Variants in LRRC4C observed in about 807,000 individuals in gnomAD.
LRRC4C encodes the protein leucine-rich repeat-containing protein 4C.
Under a neutral mutation model 33.6 loss-of-function variants are expected in LRRC4C, and 5 were observed. The observed-to-expected ratio is 0.15, with a 90% CI of 0.08 to 0.31. LRRC4C has a LOEUF of 0.31. Ranked by LOEUF, LRRC4C falls within the 10% of genes least tolerant of loss-of-function variation. The pLI is 1.00. For missense variants in LRRC4C, 560 were observed against 796.7 expected (o/e 0.70, Z 3.58); for synonymous variants, 329 against 302.0 (o/e 1.09, Z -0.93).
intron 1 of LRRC4C, among the ~76,000 whole-genome samples, chr11:41,236,172 C>T (rs973277385): frequency 2.6e-5 from 4 of 152,088 alleles, no homozygotes; most frequent in African/African-American, 9.7e-5. Flanking sequence ...TAGCGCTTCA[C>T]CTTCCATCTA....
intron 1 of LRRC4C, among the ~76,000 whole-genome samples, chr11:41,205,521 G>A (rs760495455): frequency 1.4e-4 from 22 of 152,138 alleles, no homozygotes; most frequent in Non-Finnish European, 2.9e-4. Context: ...GGCTACCAGT[G>A]ATTGTAGCTT....
chr11:40,844,671 C>A (rs769970134), intron 2 of LRRC4C, among the ~76,000 whole-genome samples: 14 of 152,112 alleles, frequency 9.2e-5, no homozygotes, highest in Non-Finnish European at 2.1e-4. Context: ...GTTTAGGAAT[C>A]ATTACTTTCT....
intron 2 of LRRC4C, among the ~76,000 whole-genome samples, chr11:40,761,921 G>T (rs1182195414): frequency 6.6e-6 from 1 of 152,072 alleles, no homozygotes; most frequent in Non-Finnish European, 1.5e-5. Context: ...GAGACAAGCA[G>T]TATACTACCA....
intron 3 of LRRC4C, among the ~76,000 whole-genome samples, chr11:40,321,697 A>T (rs1185159610): frequency 6.6e-6 from 1 of 152,206 alleles, no homozygotes. Flanking sequence ...ATTGAAGTAG[A>T]TTCTATCAGA....
At chr11:40,191,304 C>G (rs1861823268) in intron 5 of LRRC4C, among the ~76,000 whole-genome samples, 1 of 152,182 alleles carries the variant, frequency 6.6e-6, no homozygotes, top group South Asian at 2.1e-4. Context: ...GTTTCATTTT[C>G]TCAAATTGTA....
At chr11:40,184,327 T>C (rs1861240222) in intron 5 of LRRC4C, among the ~76,000 whole-genome samples, 1 of 152,082 alleles carries the variant, frequency 6.6e-6, no homozygotes, top group Admixed American at 6.5e-5. Context: ...TATTGAGATT[T>C]CAAATAAGTC....
At chr11:40,268,345 C>T (rs1267963517) in intron 4 of LRRC4C, among the ~76,000 whole-genome samples, 1 of 152,118 alleles carries the variant, frequency 6.6e-6, no homozygotes, top group Non-Finnish European at 1.5e-5. Flanking sequence ...CAGACTTCAT[C>T]ACAGAACTTC....
At chr11:41,137,332 A>G (rs1943310066) in intron 1 of LRRC4C, among the ~76,000 whole-genome samples, 1 of 152,106 alleles carries the variant, frequency 6.6e-6, no homozygotes, top group Admixed American at 6.6e-5. Context: ...CCTCCCTTAA[A>G]AGATTCTATA....
intron 1 of LRRC4C, among the ~76,000 whole-genome samples, chr11:41,010,985 T>A (rs1855135048): frequency 6.6e-6 from 1 of 152,174 alleles, no homozygotes; most frequent in African/African-American, 2.4e-5. Context: ...AGAAGTCTAA[T>A]GTTTCAGCCC....
At chr11:40,907,235 T>C (rs1956463712) in intron 2 of LRRC4C, among the ~76,000 whole-genome samples, 1 of 152,242 alleles carries the variant, frequency 6.6e-6, no homozygotes, top group Admixed American at 6.5e-5. Context: ...CTAAAATAGC[T>C]AGCCCTTGTA....
chr11:41,339,793 G>C (rs904291561), intron 1 of LRRC4C, among the ~76,000 whole-genome samples: 1 of 152,112 alleles, frequency 6.6e-6, no homozygotes, highest in African/African-American at 2.4e-5. Context: ...CAGAAATCTT[G>C]AGTACAAAAT....
At chr11:40,886,582 C>G (rs535959760) in intron 2 of LRRC4C, among the ~76,000 whole-genome samples, 4 of 151,618 alleles carry the variant, frequency 2.6e-5, no homozygotes, top group Non-Finnish European at 5.9e-5. Flanking sequence ...TTATCCTCAA[C>G]TGATGAATTT....
chr11:40,563,943 C>T (rs780996798), intron 3 of LRRC4C, among the ~76,000 whole-genome samples: 12 of 152,154 alleles, frequency 7.9e-5, no homozygotes, highest in Non-Finnish European at 1.6e-4. Flanking sequence ...ATAAGTCAGG[C>T]CAATAACTAG....
At chr11:40,569,833 A>G (rs1444044149) in intron 3 of LRRC4C, among the ~76,000 whole-genome samples, 1 of 152,076 alleles carries the variant, frequency 6.6e-6, no homozygotes, top group Non-Finnish European at 1.5e-5. Context: ...TAATTTGTGA[A>G]TCAATAAAAA....
chr11:40,782,761 T>G (rs565242147), intron 2 of LRRC4C, among the ~76,000 whole-genome samples: 51 of 152,306 alleles, frequency 3.3e-4, no homozygotes, highest in African/African-American at 1.2e-3. Context: ...TTACTCAAAA[T>G]AACAAACAGC....
At chr11:40,270,530 A>ACC (rs1367718945) in intron 4 of LRRC4C, among the ~76,000 whole-genome samples, 2 of 152,068 alleles carry the variant, frequency 1.3e-5, no homozygotes, top group East Asian at 3.9e-4. Flanking sequence ...GCATTGGGTG[A>ACC]TCAGGACCTC....
At chr11:41,305,759 A>C (rs1950480029) in intron 1 of LRRC4C, among the ~76,000 whole-genome samples, 1 of 117,466 alleles carries the variant, frequency 8.5e-6, no homozygotes, top group Non-Finnish European at 1.8e-5. Context: ...CAGGGACACA[A>C]ACACTGCGGA....
intron 1 of LRRC4C, among the ~76,000 whole-genome samples, chr11:41,205,710 T>G (rs1160335344): frequency 6.6e-6 from 1 of 152,194 alleles, no homozygotes; most frequent in Non-Finnish European, 1.5e-5. Flanking sequence ...TTCCTAACAC[T>G]TAAGTGATGC....
At chr11:40,165,698 C>T (rs1424501160) in intron 5 of LRRC4C, among the ~76,000 whole-genome samples, 1 of 152,184 alleles carries the variant, frequency 6.6e-6, no homozygotes, top group Non-Finnish European at 1.5e-5. Flanking sequence ...GTAATCCCAG[C>T]TCTTTGGGAG....
Sources: gnomAD v4.1 joint callset for allele counts (sites outside exome capture counted in the v4.1 genomes callset) on GRCh38, gnomAD v4.1.1 for gene constraint, MANE v1.5 for transcripts, NCBI Gene and HGNC (gene_info 2026-07-23, HGNC 2026-07-21) for gene names.